IGF2BP3: variants seen among roughly 807,000 people sequenced by gnomAD.
The protein encoded by IGF2BP3 is insulin like growth factor 2 mRNA binding protein 3, also known as insulin-like growth factor 2 mRNA-binding protein 3.
In IGF2BP3, 9 loss-of-function variants were observed where a neutral mutation model predicts 73.8. The observed-to-expected ratio is 0.12, with a 90% CI of 0.07 to 0.21. The LOEUF (loss-of-function observed/expected upper bound fraction) is 0.21, where lower values mean the gene tolerates loss of function less well. Ranked by LOEUF, IGF2BP3 falls within the 10% of genes least tolerant of loss-of-function variation. The pLI is 1.00. For missense variants in IGF2BP3, 542 were observed against 714.0 expected (o/e 0.76, Z 2.75); for synonymous variants, 258 against 256.7 (o/e 1.01, Z -0.05).
At chr7:23,451,058 T>C (rs1156376199) in intron 2 of IGF2BP3, among the ~76,000 whole-genome samples, 1 of 152,210 alleles carries the variant, frequency 6.6e-6, no homozygotes, top group Non-Finnish European at 1.5e-5. Context: ...CAGTAGTAGT[T>C]ACCAGTTTCC....
At chr7:23,357,915 G>A (rs1446299571) in intron 5 of IGF2BP3, among the ~76,000 whole-genome samples, 2 of 152,174 alleles carry the variant, frequency 1.3e-5, no homozygotes, top group Non-Finnish European at 2.9e-5. Context: ...CTACAACCAC[G>A]TTAAAACTAG....
chr7:23,340,220 C>A (rs1784674216), intron 10 of IGF2BP3, among the ~76,000 whole-genome samples: 2 of 152,106 alleles, frequency 1.3e-5, no homozygotes, highest in Non-Finnish European at 2.9e-5. Flanking sequence ...TGAATCTATG[C>A]ACACTTCACT....
At chr7:23,390,999 A>C (rs1269463664) in intron 3 of IGF2BP3, among the ~76,000 whole-genome samples, 1 of 151,068 alleles carries the variant, frequency 6.6e-6, no homozygotes, top group Non-Finnish European at 1.5e-5. Flanking sequence ...GGGTTTAGCC[A>C]TGTTAGCCAG....
chr7:23,409,501 T>C (rs1239558281), intron 3 of IGF2BP3, among the ~76,000 whole-genome samples: 2 of 152,294 alleles, frequency 1.3e-5, no homozygotes, highest in South Asian at 4.1e-4. Flanking sequence ...TTAAGACTTA[T>C]AAAGATACCG....
chr7:23,343,733 A>T lies in IGF2BP3; in HGVS notation c.1062T>A (p.Asp354Glu). The T allele has an allele frequency of 6.2e-7, 1 of 1,611,572 alleles. No homozygotes were observed. The highest frequency in any genetic ancestry group is 8.5e-7 in the Non-Finnish European group (1 of 1,179,314). ...CAAAACTAACATTCATAGAAGCAAT[A>T]TCATTTTCATAAGACTCCCTGATTT... ...MKKIRESYENDIASMNLQAHL... is the reference protein window; with the variant it reads ...MKKIRESYENEIASMNLQAHL... Residue 354 changes from aspartate (D) to glutamate (E), a missense_variant, in exon 9 of 15, where the codon GAT (aspartate) becomes GAA (glutamate). By Grantham distance (45) the Asp-to-Glu change is conservative. Around this residue, in one of 2 missense-constraint regions of IGF2BP3, gnomAD observed 303 missense variants for 472.1 expected, o/e 0.64. Coordinates refer to ENST00000258729, the MANE Select transcript of IGF2BP3 (RefSeq NM_006547.3).
intron 10 of IGF2BP3, among the ~76,000 whole-genome samples, chr7:23,328,687 G>C (rs1405354736): frequency 6.6e-6 from 1 of 152,110 alleles, no homozygotes; most frequent in African/African-American, 2.4e-5. Context: ...AATTTGTCTA[G>C]GAATTACCAA....
At chr7:23,338,239 T>C (rs890875600) in intron 10 of IGF2BP3, among the ~76,000 whole-genome samples, 1 of 152,166 alleles carries the variant, frequency 6.6e-6, no homozygotes, top group African/African-American at 2.4e-5. Flanking sequence ...AAAAGGGATA[T>C]ACACAACTAG....
At chr7:23,382,763 G>T (rs1296022468) in intron 3 of IGF2BP3, among the ~76,000 whole-genome samples, 2 of 151,946 alleles carry the variant, frequency 1.3e-5, no homozygotes, top group Admixed American at 1.3e-4. Flanking sequence ...GCTGGGTGTG[G>T]TAGCTCATGT....
intron 3 of IGF2BP3, among the ~76,000 whole-genome samples, chr7:23,381,753 G>A (rs1002676332): frequency 1.2e-4 from 19 of 152,124 alleles, no homozygotes; most frequent in African/African-American, 4.1e-4. Flanking sequence ...ATTTTTAGTA[G>A]AGATGGGGTT....
In IGF2BP3 at chr7:23,310,926, C is replaced by G. The variant is rs1047696786; in HGVS notation, c.*1436G>C. The G allele has an allele frequency of 6.6e-6, 1 of 152,086 alleles. No individual in the cohort carries two copies. Among genetic ancestry groups the G allele is most frequent in the African/African-American group, 2.4e-5 (1 of 41,406 alleles). The allele number at this position is 152,086 out of a possible 1,614,324, so 9.4% of individuals were successfully genotyped here. A position where few individuals can be genotyped will look rare whatever the true frequency, so the allele number is the denominator to read the frequency against. On this transcript the variant is annotated 3_prime_UTR_variant, in exon 15 of 15. Coordinates refer to ENST00000258729, the MANE Select transcript of IGF2BP3 (RefSeq NM_006547.3). Reference sequence around the variant, plus strand: ...ACCACCCACACCCAACACAATTGTACGTACTGGGCTTTGCTGTCAAGGAGT... The same window carrying G: ...ACCACCCACACCCAACACAATTGTAGGTACTGGGCTTTGCTGTCAAGGAGT...
chr7:23,420,124 A>G (rs905314684), intron 2 of IGF2BP3, among the ~76,000 whole-genome samples: 16 of 152,268 alleles, frequency 1.1e-4, no homozygotes, highest in Admixed American at 3.9e-4. Context: ...TATTAAAAAC[A>G]AAACAAAAAC....
chr7:23,359,418 T>C (rs934085721), intron 5 of IGF2BP3, among the ~76,000 whole-genome samples: 9 of 152,240 alleles, frequency 5.9e-5, no homozygotes, highest in African/African-American at 2.2e-4. Flanking sequence ...TGTTTCCCTT[T>C]AGCTAATTTA....
chr7:23,342,780 G>A lies in IGF2BP3; in HGVS notation c.1078-591C>T, dbSNP rs1011977249. Among the ~76,000 whole-genome samples the A allele has an allele frequency of 2.6e-5, 4 of 152,150 alleles. No homozygotes were observed. In the East Asian group the frequency reaches 5.8e-4, roughly 22 times the overall value. On this transcript the variant is annotated intron_variant, in intron 9 of 14. Transcript: ENST00000258729. ...TAAGGGTTGAGGACGTAATGTAGAC[G>A]GTGGAAGGGAGATTTGAGTGTACTT...
intron 3 of IGF2BP3, among the ~76,000 whole-genome samples, chr7:23,377,729 A>G (rs753441674): frequency 2.6e-5 from 4 of 152,236 alleles, no homozygotes; most frequent in Non-Finnish European, 5.9e-5. Context: ...CTGGATGGAT[A>G]AACAGTAAGT....
chr7:23,388,972 T>G (rs1786180546), intron 3 of IGF2BP3, among the ~76,000 whole-genome samples: 1 of 152,176 alleles, frequency 6.6e-6, no homozygotes, highest in Non-Finnish European at 1.5e-5. Context: ...AATAGGCTCT[T>G]GACTCACACA....
chr7:23,407,066 A>G (rs1786855228), intron 3 of IGF2BP3, among the ~76,000 whole-genome samples: 1 of 152,124 alleles, frequency 6.6e-6, no homozygotes, highest in South Asian at 2.1e-4. Context: ...AGAGAACACA[A>G]AAATTACTAG....
At chr7:23,403,946 G>C (rs961743712) in intron 3 of IGF2BP3, among the ~76,000 whole-genome samples, 1 of 150,734 alleles carries the variant, frequency 6.6e-6, no homozygotes, top group Non-Finnish European at 1.5e-5. Flanking sequence ...AATGTAGCAA[G>C]ACCCTGTTTG....
At chr7:23,355,082 T>C (rs1583926167) in intron 5 of IGF2BP3, among the ~76,000 whole-genome samples, 1 of 152,170 alleles carries the variant, frequency 6.6e-6, no homozygotes, top group Admixed American at 6.5e-5. Flanking sequence ...TTTAGTATTT[T>C]CACCAAACCC....
chr7:23,322,346 T>C (rs1784179748), intron 10 of IGF2BP3, among the ~76,000 whole-genome samples: 1 of 151,828 alleles, frequency 6.6e-6, no homozygotes, highest in Non-Finnish European at 1.5e-5. Flanking sequence ...GTGAATGAAA[T>C]GAAGCAAGAA....
Sources: allele counts gnomAD v4.1 joint callset (sites outside exome capture counted in the v4.1 genomes callset), GRCh38; gene constraint gnomAD v4.1.1; regional missense constraint gnomAD v4.1.1; transcripts MANE v1.5; gene names NCBI Gene and HGNC (gene_info 2026-07-23, HGNC 2026-07-21).